The following UNC13A variants were observed in gnomAD, a reference collection of about 807,000 sequenced individuals.
UNC13A encodes the protein unc-13 homolog A, also known as protein unc-13 homolog A.
A neutral mutation model predicts 219.7 loss-of-function variants in UNC13A; 61 were observed. The observed-to-expected ratio is 0.28, with a 90% CI of 0.23 to 0.34. The LOEUF (loss-of-function observed/expected upper bound fraction) is 0.34, where lower values mean the gene tolerates loss of function less well. Ranked by LOEUF, UNC13A falls within the 10% of genes least tolerant of loss-of-function variation. The probability of loss-of-function intolerance (pLI) is 1.00; values close to 1 mark genes in which losing one functional copy is unlikely to be tolerated. For missense variants in UNC13A, 1,476 were observed against 2,270.3 expected, an observed-to-expected ratio of 0.65 and a Z score of 7.11; for synonymous variants, 920 against 884.6, an observed-to-expected ratio of 1.04 and a Z score of -0.71.
At chr19:17,670,310 A>G (rs1056008735) in intron 4 of UNC13A, among the ~76,000 whole-genome samples, 1 of 151,366 alleles carries the variant, frequency 6.6e-6, no homozygotes, top group African/African-American at 2.4e-5. Flanking sequence ...GCGTGATCTC[A>G]GCTCACTGCA....
rs190657742 is a variant in UNC13A at position 17,664,388 on chromosome 19, G to A, written c.524-821C>T. Among the ~76,000 whole-genome samples, 46 of 152,318 alleles carry A rather than the reference G, an allele frequency of 3.0e-4. No individual in the cohort carries two copies. In the East Asian group the frequency reaches 7.9e-3, roughly 26 times the overall value. ...ACAGAGCCTCTGCGCATCAGGGCCA[G>A]GGCGAGAACCACCTTTGCCTATCAC... On this transcript the variant is annotated intron_variant, in intron 7 of 43. Transcript: ENST00000519716.
At chr19:17,685,084 T>C (rs991835986) in intron 1 of UNC13A, among the ~76,000 whole-genome samples, 2 of 152,206 alleles carry the variant, frequency 1.3e-5, no homozygotes, top group Non-Finnish European at 2.9e-5. Context: ...TGTTGTCATG[T>C]GCATACACAC....
intron 17 of UNC13A, 100 bp downstream of exon 17, chr19:17,647,165 G>C (rs1468249754): frequency 1.8e-6 from 2 of 1,128,390 alleles, no homozygotes; most frequent in Non-Finnish European, 2.5e-6. Context: ...CCGAGTGAGT[G>C]CGCGCTGCAA....
intron 17 of UNC13A, among the ~76,000 whole-genome samples, 156 bp from the exon 18 acceptor site, chr19:17,646,267 G>A (rs980303246): frequency 2.8e-5 from 4 of 140,536 alleles, no homozygotes; most frequent in Non-Finnish European, 6.2e-5. Context: ...GAGGTTTTTT[G>A]TGTGTTTGTT....
At chr19:17,666,016 TTTC>T (rs772189765) in intron 7 of UNC13A, among the ~76,000 whole-genome samples, 575 of 27,264 alleles carry the variant, frequency 0.021, 63 homozygotes, top group Middle Eastern at 0.033. Context: ...CCTTCCTTCC[TTTC>T]TTCCTTCTTG....
intron 19 of UNC13A, 35 bp downstream of exon 19, chr19:17,645,639 C>A (rs374988818): frequency 3.1e-6 from 5 of 1,611,672 alleles, no homozygotes; most frequent in Non-Finnish European, 3.4e-6. Context: ...CCCTGGGACC[C>A]GTCCCCACCC....
intron 8 of UNC13A, among the ~76,000 whole-genome samples, chr19:17,659,213 C>T (rs1163458376): frequency 2.6e-5 from 4 of 152,122 alleles, no homozygotes; most frequent in South Asian, 2.1e-4. Context: ...GAGGCGGAGG[C>T]GGGCAGATTA....
intron 41 of UNC13A, 134 bp downstream of exon 41, chr19:17,617,568 G>A: frequency 2.3e-6 from 3 of 1,332,772 alleles, no homozygotes; most frequent in Non-Finnish European, 3.1e-6. Context: ...ATTGGTCCCT[G>A]GACTTGGTGC....
At chr19:17,619,037 G>C (rs2076698661) in intron 38 of UNC13A, 75 bp from the exon 39 acceptor site, 1 of 1,451,230 alleles carries the variant, frequency 6.9e-7, no homozygotes, top group Admixed American at 1.7e-5. Context: ...GACCATCTTG[G>C]TTCTTGCCCA....
intron 6 of UNC13A, 120 bp downstream of exon 6, chr19:17,667,997 T>A: frequency 9.9e-7 from 1 of 1,011,108 alleles, no homozygotes; most frequent in Non-Finnish European, 1.5e-6. Flanking sequence ...TTACAAAGAG[T>A]TAGAAACAGA....
intron 26 of UNC13A, among the ~76,000 whole-genome samples, chr19:17,634,685 G>A (rs1366189491): frequency 6.7e-6 from 1 of 148,796 alleles, no homozygotes; most frequent in Non-Finnish European, 1.5e-5. Flanking sequence ...CAATCTATCT[G>A]TCCATCTGTT....
In UNC13A at chr19:17,640,598, C is replaced by A; in HGVS notation, c.2700G>T (p.Leu900=). 6.3e-7 allele frequency: 1 copy of A among 1,583,462 alleles called. No individual in the cohort carries two copies. Among genetic ancestry groups the A allele is most frequent in the Admixed American group, 1.8e-5 (1 of 55,442 alleles). ...CPGVPAVMST[L]LANINAYYAH... ...CGTAGTAGGCATTGATGTTGGCGAG[C>A]AGGGTGCTCATGACGGCAGGCACCC... Residue 900 remains leucine (L), a synonymous_variant, in exon 22 of 44, where the codon CTG becomes CTT. Transcript: ENST00000519716.
chr19:17,620,855 G>T, intron 37 of UNC13A, 133 bp from the exon 38 acceptor site: 1 of 1,010,308 alleles, frequency 9.9e-7, no homozygotes, highest in Non-Finnish European at 1.5e-6. Flanking sequence ...TGGGTCTAAT[G>T]GTGGGCCCCC....
In UNC13A at chr19:17,631,345, C is replaced by T. The variant is rs572386954; in HGVS notation, c.3429-595G>A. Among the ~76,000 whole-genome samples the T allele has an allele frequency of 8.6e-5, 13 of 150,848 alleles. 1 individual carries two copies. Among genetic ancestry groups the T allele is most frequent in the Middle Eastern group, 3.4e-3 (1 of 292 alleles). The stretch of plus-strand genomic sequence containing the variant: ...AAGCAATCCTCCCACCTCAGCTTCC[C>T]GAATAGCTGGCACTACAGGCACATG... On this transcript the variant is annotated intron_variant, in intron 28 of 43. Transcript: ENST00000519716.
At chr19:17,632,715 C>T in intron 28 of UNC13A, 67 bp downstream of exon 28, 1 of 1,609,578 alleles carries the variant, frequency 6.2e-7, no homozygotes, top group Non-Finnish European at 8.5e-7. Flanking sequence ...GTCTTCCTCT[C>T]TGGCTTTCCT....
At position 17,644,190 on chromosome 19, in the gene UNC13A, T is replaced by C. The variant is rs569272466; in HGVS notation, c.2357-1230A>G. The stretch of plus-strand genomic sequence containing the variant: ...CTCTTTAGACTGGATTCTTTTCTTG[T>C]GGTGGGGGGTCGGGGGGACACAGAG... On this transcript the variant is annotated intron_variant, in intron 19 of 43. Coordinates refer to ENST00000519716, the MANE Select transcript of UNC13A (RefSeq NM_001080421.3). Among the ~76,000 whole-genome samples, 203 of 152,066 alleles carry C rather than the reference T, an allele frequency of 1.3e-3. 2 individuals carry two copies. Among genetic ancestry groups the C allele is most frequent in the African/African-American group, 4.6e-3 (189 of 41,462 alleles).
chr19:17,606,141 G>A lies in UNC13A; in HGVS notation c.5025C>T (p.Arg1675=), dbSNP rs557029134. 4 of 1,591,078 alleles carry A rather than the reference G, an allele frequency of 2.5e-6. No homozygotes were observed. In the South Asian group the frequency reaches 3.4e-5, roughly 14 times the overall value. Reference sequence around the variant, plus strand: ...ACTCCTTGGCCACCTCGTCGTTGCTGCGCTGCGAGAGGATTCGCAGCACCG... The same window carrying A: ...ACTCCTTGGCCACCTCGTCGTTGCTACGCTGCGAGAGGATTCGCAGCACCG... ...GLTVLRILSQ[R]SNDEVAKEFV... is the part of the protein sequence containing the mutation. Residue 1675 remains arginine (R), a synonymous_variant, in exon 44 of 44, where the codon CGC becomes CGT. Transcript: ENST00000519716.
rs1333426406 is a variant in UNC13A, at chr19:17,632,897, G to A, written c.3313C>T (p.His1105Tyr). The change falls in exon 28 of 44, where the codon CAT becomes TAT. Residue 1105 changes from histidine (H) to tyrosine (Y), a missense_variant. Around this residue, in one of 14 missense-constraint regions of UNC13A, gnomAD observed 218 missense variants for 409.4 expected, o/e 0.53. Transcript: ENST00000519716. ...MKYAMEEHDK[H>Y]RLCKSADYMN... ...TAGTCGGCACTCTTGCATAGACGAT[G>A]CTTGTCGTGCTCTGGCCAGGGACAA... 1 of 1,613,882 alleles carries A rather than the reference G, an allele frequency of 6.2e-7. No homozygotes were observed. The highest frequency in any genetic ancestry group is 2.2e-5 in the East Asian group (1 of 44,894).
At position 17,649,643 on chromosome 19, in the gene UNC13A, C is replaced by A; in HGVS notation, c.1440-56G>T. 4 of 1,598,402 alleles carry A rather than the reference C, an allele frequency of 2.5e-6. No individual in the cohort carries two copies. The highest frequency in any genetic ancestry group is 3.4e-6 in the Non-Finnish European group (4 of 1,166,338). On this transcript the variant is annotated intron_variant, in intron 12 of 43. Transcript: ENST00000519716. This position sits in a 1 kb window ranked among gnomAD's most constrained non-coding sequence, Gnocchi z 4.4. Reference sequence around the variant, plus strand: ...AGATGTCCCTATTCCTCACATAGAGCCCTGGGGAGAACATTCAACCTCCCC... The same window carrying A: ...AGATGTCCCTATTCCTCACATAGAGACCTGGGGAGAACATTCAACCTCCCC...
Sources: gnomAD v4.1 joint callset for allele counts (sites outside exome capture counted in the v4.1 genomes callset) on GRCh38, gnomAD v4.1.1 for gene constraint, gnomAD v4.1.1 regional missense constraint, Gnocchi (gnomAD v3.1) non-coding constraint, MANE v1.5 for transcripts, NCBI Gene and HGNC (gene_info 2026-07-23, HGNC 2026-07-21) for gene names.